Variants in RHOBTB1 observed in about 807,000 individuals in gnomAD.
The protein encoded by RHOBTB1 is rho-related BTB domain-containing protein 1.
A neutral mutation model predicts 71.6 loss-of-function variants in RHOBTB1; 40 were observed. The observed-to-expected ratio is 0.56, with a 90% CI of 0.43 to 0.73. RHOBTB1 has a LOEUF of 0.73. RHOBTB1 is among the 30% of genes least tolerant of loss of function. The pLI is 0.00. For missense variants in RHOBTB1, 797 were observed against 894.0 expected (o/e 0.89, Z 1.38); for synonymous variants, 319 against 334.9 (o/e 0.95, Z 0.52).
chr10:60,926,522 A>T lies in RHOBTB1; in HGVS notation c.-10-14970T>A, dbSNP rs1471867171. Among the ~76,000 whole-genome samples, 3 of 152,344 alleles carry T rather than the reference A, an allele frequency of 2.0e-5. No homozygotes were observed. In the South Asian group the frequency reaches 6.2e-4, roughly 32 times the overall value. ...TCAAATTCAACAACACACTAAAAAG[A>T]TTATTCATCATGATCAAGTGAAATT... is the stretch of plus-strand genomic sequence containing the variant. On this transcript the variant is annotated intron_variant, in intron 2 of 10. Coordinates refer to ENST00000337910, the MANE Select transcript of RHOBTB1 (RefSeq NM_014836.5).
At chr10:60,959,651 G>T (rs947048279) in intron 2 of RHOBTB1, among the ~76,000 whole-genome samples, 4 of 152,154 alleles carry the variant, frequency 2.6e-5, no homozygotes, top group African/African-American at 9.7e-5. Flanking sequence ...GCAGGAGTCA[G>T]AAAACCTGAG....
intron 2 of RHOBTB1, among the ~76,000 whole-genome samples, chr10:60,927,502 T>G (rs4376852): frequency 0.54 from 82,685 of 151,876 alleles, 22,843 homozygotes; most frequent in East Asian, 0.78. Flanking sequence ...CATGGGACAG[T>G]CATAAAAACA....
At chr10:60,984,752 G>A (rs2086607540) in intron 2 of RHOBTB1, among the ~76,000 whole-genome samples, 1 of 152,092 alleles carries the variant, frequency 6.6e-6, no homozygotes, top group Non-Finnish European at 1.5e-5. Context: ...GAGCTGGGTG[G>A]ACATTTACTT....
intron 2 of RHOBTB1, among the ~76,000 whole-genome samples, chr10:60,960,729 C>A (rs967008563): frequency 9.2e-5 from 14 of 152,186 alleles, no homozygotes; most frequent in African/African-American, 2.4e-5. Context: ...TTTCTGTAGC[C>A]TCTTGGGCTG....
intron 2 of RHOBTB1, among the ~76,000 whole-genome samples, chr10:60,916,241 G>A (rs888465634): frequency 2.0e-5 from 3 of 152,138 alleles, no homozygotes; most frequent in South Asian, 2.1e-4. Flanking sequence ...CCACAAATCC[G>A]CCATGTGAGG....
chr10:60,997,064 T>TACACACAC (rs3049452), intron 1 of RHOBTB1, among the ~76,000 whole-genome samples: 160 of 144,944 alleles, frequency 1.1e-3, no homozygotes, highest in African/African-American at 3.2e-3. Flanking sequence ...CATGGTTATG[T>TACACACAC]ACACACACAC....
chr10:60,989,844 T>C (rs1039252977), intron 1 of RHOBTB1, among the ~76,000 whole-genome samples: 1 of 152,162 alleles, frequency 6.6e-6, no homozygotes, highest in East Asian at 1.9e-4. Flanking sequence ...CAGCACTGCT[T>C]CGTGACATTT....
At chr10:60,971,103 A>G (rs1195890601) in intron 2 of RHOBTB1, among the ~76,000 whole-genome samples, 1 of 152,084 alleles carries the variant, frequency 6.6e-6, no homozygotes, top group Non-Finnish European at 1.5e-5. Context: ...TAATAATAAT[A>G]ACATGAGCAC....
At chr10:60,917,478 T>G (rs2083327641) in intron 2 of RHOBTB1, among the ~76,000 whole-genome samples, 1 of 152,204 alleles carries the variant, frequency 6.6e-6, no homozygotes. Flanking sequence ...GCTGGAAGTC[T>G]GACAGCAGGG....
In RHOBTB1 at chr10:60,888,475, G is replaced by A. The variant is rs772097297; in HGVS notation, c.1193C>T (p.Thr398Ile). 6 of 1,614,190 alleles carry A rather than the reference G, an allele frequency of 3.7e-6. No individual in the cohort carries two copies. In the Admixed American group the frequency reaches 5.0e-5, roughly 13 times the overall value. Residue 398 changes from threonine (T) to isoleucine (I), a missense_variant, in exon 6 of 11, where the codon ACT becomes ATT. Physicochemically the swap from Thr to Ile is moderately conservative, Grantham distance 89. Around this residue, in one of 2 missense-constraint regions of RHOBTB1, gnomAD observed 658 missense variants for 681.5 expected, o/e 0.97. Coordinates refer to ENST00000337910, the MANE Select transcript of RHOBTB1 (RefSeq NM_014836.5). ...NPISKRMGPMTVVRMDASVQP... is the reference protein window; with the variant it reads ...NPISKRMGPMIVVRMDASVQP... ...GACTGAAGCGTCCATCCTGACCACA[G>A]TCATGGGCCCCATCCGCTTTGAAAT...
rs542380817 is a variant in RHOBTB1, at chr10:60,960,965, C to T, written c.-61-19111G>A. 9.2e-5 allele frequency among the ~76,000 whole-genome samples: 14 copies of T among 152,144 alleles called. No homozygotes were observed. The South Asian group carries it at 2.1e-3, about 23-fold the overall frequency. The stretch of plus-strand genomic sequence containing the variant: ...TTTATCTTTTCATTGACTTGGGGTT[C>T]GTGGGGGTGGAGGGTGGTTAAGTAT... On this transcript the variant is annotated intron_variant, in intron 2 of 11. Coordinates refer to the RHOBTB1 transcript ENST00000357917.
intron 1 of RHOBTB1, among the ~76,000 whole-genome samples, chr10:60,990,550 G>A (rs896714772): frequency 1.3e-5 from 2 of 152,014 alleles, no homozygotes; most frequent in East Asian, 1.9e-4. Flanking sequence ...TTCTCCATCC[G>A]TGCTCAATAA....
intron 2 of RHOBTB1, among the ~76,000 whole-genome samples, chr10:60,928,911 C>G (rs998308508): frequency 1.3e-5 from 2 of 152,218 alleles, no homozygotes; most frequent in Admixed American, 6.5e-5. Context: ...GTAGCTGACT[C>G]ACAGTTCTAC....
chr10:60,886,722 G>T (rs970898394), intron 6 of RHOBTB1, among the ~76,000 whole-genome samples: 125 of 138,382 alleles, frequency 9.0e-4, no homozygotes, highest in African/African-American at 3.4e-3. Flanking sequence ...AGATGTGGGG[G>T]GGGGTGGGTC....
chr10:60,964,226 C>T (rs1319930842), intron 2 of RHOBTB1, among the ~76,000 whole-genome samples: 1 of 152,060 alleles, frequency 6.6e-6, no homozygotes, highest in African/African-American at 2.4e-5. Flanking sequence ...ATGTTACTGC[C>T]AATTTGCTCA....
chr10:60,972,104 G>A (rs531631841), intron 2 of RHOBTB1, among the ~76,000 whole-genome samples: 91 of 152,286 alleles, frequency 6.0e-4, no homozygotes, highest in African/African-American at 2.1e-3. Context: ...GTGTAAATTA[G>A]TTCAACCATT....
At chr10:60,861,030 A>C in the RHOBTB1 span, among the ~76,000 whole-genome samples, 1 of 152,192 alleles carries the variant, frequency 6.6e-6, no homozygotes, top group Non-Finnish European at 1.5e-5. Flanking sequence ...AGCCTTTGGC[A>C]AGGCAGGAGG....
chr10:60,882,802 G>A (rs970418845), intron 7 of RHOBTB1, among the ~76,000 whole-genome samples: 1 of 152,124 alleles, frequency 6.6e-6, no homozygotes, highest in Non-Finnish European at 1.5e-5. Context: ...GTTCAGAAAG[G>A]GAACTGGGGG....
intron 2 of RHOBTB1, among the ~76,000 whole-genome samples, chr10:60,920,663 T>G (rs2083508480): frequency 1.3e-5 from 2 of 151,928 alleles, no homozygotes; most frequent in Non-Finnish European, 2.9e-5. Flanking sequence ...TGTTTTGTTT[T>G]GTTTTGAGTC....
Sources: allele counts gnomAD v4.1 joint callset (sites outside exome capture counted in the v4.1 genomes callset), GRCh38; gene constraint gnomAD v4.1.1; regional missense constraint gnomAD v4.1.1; transcripts MANE v1.5; gene names NCBI Gene and HGNC (gene_info 2026-07-23, HGNC 2026-07-21).